SPATA3: variants seen among roughly 807,000 people sequenced by gnomAD.
SPATA3 encodes the protein spermatogenesis-associated protein 3.
Under a neutral mutation model 5.7 loss-of-function variants are expected in SPATA3, and 6 were observed. The observed-to-expected ratio is 1.06, with a 90% confidence interval of 0.58 to 2.09. The LOEUF (loss-of-function observed/expected upper bound fraction) is 2.09, where lower values mean the gene tolerates loss of function less well. Ranked by LOEUF, SPATA3 falls within the 30% of genes most tolerant of loss-of-function variation. SPATA3 has a pLI of 0.00. For synonymous variants in SPATA3, 44 were observed against 48.4 expected (o/e 0.91, Z 0.37); for missense variants, 155 against 130.4 (o/e 1.19, Z -0.92).
chr2:231,000,003 C>A (rs955217457), intron 1 of SPATA3, among the ~76,000 whole-genome samples: 3 of 152,152 alleles, frequency 2.0e-5, no homozygotes, highest in Non-Finnish European at 4.4e-5. Flanking sequence ...ATGAGATGAG[C>A]ATGCTAAGTG....
At chr2:231,001,592 C>T (rs1454688469) in intron 2 of SPATA3, among the ~76,000 whole-genome samples, 1 of 152,218 alleles carries the variant, frequency 6.6e-6, no homozygotes, top group East Asian at 1.9e-4. Context: ...GGTCTGCCTG[C>T]CACCGTTAGC....
At chr2:230,996,659 A>T (rs1692135660) in intron 1 of SPATA3, 125 bp downstream of exon 1, 1 of 1,277,788 alleles carries the variant, frequency 7.8e-7, no homozygotes, top group Admixed American at 2.8e-5. Flanking sequence ...TGTGCTGTAG[A>T]GTGGGAAGGT....
At chr2:231,002,864 T>C, downstream of SPATA3, 1 of 979,562 alleles carries the variant, frequency 1.0e-6, no homozygotes, top group Non-Finnish European at 1.4e-6. Flanking sequence ...ATGGAGGTGG[T>C]CTCTTCAGGT....
chr2:231,019,940 T>G (rs1693036307), intron 7 of SPATA3: 1 of 150,698 alleles, frequency 6.6e-6, no homozygotes, highest in African/African-American at 2.4e-5. Flanking sequence ...CTCTATCGTT[T>G]GTCTCTCTCA....
At chr2:230,997,120 G>T (rs1330526408) in intron 1 of SPATA3, among the ~76,000 whole-genome samples, 2 of 152,182 alleles carry the variant, frequency 1.3e-5, no homozygotes, top group Non-Finnish European at 2.9e-5. Flanking sequence ...GATGTGGTTT[G>T]GCTGTGTCCC....
downstream of SPATA3, chr2:231,002,846 C>T: frequency 8.6e-7 from 1 of 1,166,612 alleles, no homozygotes; most frequent in Non-Finnish European, 1.2e-6. Context: ...AGCGCTCTGT[C>T]CCTTCGAATG....
At chr2:231,005,542 C>T (rs372036148), downstream of SPATA3, among the ~76,000 whole-genome samples, 5 of 42,518 alleles carry the variant, frequency 1.2e-4, no homozygotes, top group Non-Finnish European at 2.2e-4. Context: ...TCATCACCAC[C>T]ATCATCACCA....
intron 1 of SPATA3, among the ~76,000 whole-genome samples, chr2:230,999,357 A>G (rs142529964): frequency 1.0e-3 from 153 of 152,290 alleles, no homozygotes; most frequent in African/African-American, 3.5e-3. Flanking sequence ...TGAGCACTCT[A>G]AAAGGGTGAA....
intron 1 of SPATA3, among the ~76,000 whole-genome samples, chr2:230,997,674 G>GGA (rs1440040367): frequency 6.6e-6 from 1 of 152,208 alleles, no homozygotes; most frequent in African/African-American, 2.4e-5. Flanking sequence ...GTCTGAAAAT[G>GGA]GAATGGCTGT....
chr2:230,999,420 A>G (rs757983736), intron 1 of SPATA3: 1 of 152,218 alleles, frequency 6.6e-6, no homozygotes, highest in African/African-American at 2.4e-5. Context: ...GTAATTAAAA[A>G]AAAAGACAAG....
intron 6 of SPATA3, among the ~76,000 whole-genome samples, chr2:231,017,798 A>C (rs1046285568): frequency 8.5e-5 from 13 of 152,202 alleles, no homozygotes; most frequent in African/African-American, 3.1e-4. Context: ...CTGTAGTAGA[A>C]ATCTACATTA....
intron 6 of SPATA3, among the ~76,000 whole-genome samples, chr2:231,018,747 A>G (rs1692994177): frequency 6.6e-6 from 1 of 151,406 alleles, no homozygotes; most frequent in Non-Finnish European, 1.5e-5. Context: ...GTGCAGTGGC[A>G]TAATCTCAGC....
chr2:231,014,146 G>A (rs567242542), exon 6 of SPATA3: 4 of 152,266 alleles, frequency 2.6e-5, no homozygotes, highest in African/African-American at 4.8e-5. Context: ...GACCCAGAAC[G>A]TCTGAAAACG....
chr2:231,000,388 G>A lies in SPATA3; in HGVS notation c.813G>A (p.Pro271=), dbSNP rs185217619. The change falls in exon 2 of 3, where the codon CCG becomes CCA. Residue 271 remains proline, a synonymous_variant. Transcript: ENST00000645363. ...CAGGGCCTCTGATTCGCGCCGGCCC[G>A]CATTCCTGCTCCTGTGCCACTTGCC... The A allele has an allele frequency of 2.9e-4, 443 of 1,522,842 alleles. 1 individual carries two copies. Among genetic ancestry groups the A allele is most frequent in the East Asian group, 2.6e-3 (103 of 39,782 alleles). 94.3% of individuals were successfully genotyped at this position (1,522,842 alleles called of 1,614,324 possible). A position where few individuals can be genotyped will look rare whatever the true frequency, so the allele number is the denominator to read the frequency against.
intron 2 of SPATA3, 69 bp from the exon 3 acceptor site, chr2:231,002,615 T>C (rs1692394961): frequency 2.0e-6 from 2 of 977,800 alleles, no homozygotes; most frequent in Non-Finnish European, 2.9e-6. Flanking sequence ...TAATTTCCAC[T>C]TTCTCCTGTT....
downstream of SPATA3, among the ~76,000 whole-genome samples, chr2:231,006,986 G>C (rs959641894): frequency 6.6e-5 from 10 of 152,218 alleles, no homozygotes. Flanking sequence ...CTGAGCAGGA[G>C]CCAAGCCTGG....
chr2:231,000,985 A>C (rs1692332904), intron 2 of SPATA3, among the ~76,000 whole-genome samples: 1 of 152,186 alleles, frequency 6.6e-6, no homozygotes, highest in Non-Finnish European at 1.5e-5. Context: ...TGTCGCCCAG[A>C]ATTTAATGAT....
At chr2:230,996,429 C>A in intron 1 of SPATA3, 1 of 1,552,402 alleles carries the variant, frequency 6.4e-7, no homozygotes, top group Non-Finnish European at 8.7e-7. Context: ...CACCTCCCGG[C>A]AGCCAGCATT....
downstream of SPATA3, among the ~76,000 whole-genome samples, chr2:231,005,520 C>A (rs796482721): frequency 3.0e-3 from 1 of 330 alleles, no homozygotes; most frequent in Non-Finnish European, 7.2e-3. Context: ...ACCACCATCA[C>A]CACCACCACC....
Sources: gnomAD v4.1 joint callset for allele counts (sites outside exome capture counted in the v4.1 genomes callset) on GRCh38, gnomAD v4.1.1 for gene constraint, MANE v1.5 for transcripts, NCBI Gene and HGNC (gene_info 2026-07-23, HGNC 2026-07-21) for gene names.